Variants in TRNP1 observed in about 807,000 individuals in gnomAD.
TRNP1 encodes TMF-regulated nuclear protein 1.
A neutral mutation model predicts 12.2 loss-of-function variants in TRNP1; 16 were observed. The ratio of observed to expected loss-of-function variants is 1.31; its 90% CI spans 0.89 to 1.99. The LOEUF is 1.99. Ranked by LOEUF, TRNP1 falls within the 30% of genes most tolerant of loss-of-function variation. The pLI, the probability that TRNP1 is intolerant of heterozygous loss-of-function variation, is 0.00. For synonymous variants in TRNP1, 139 were observed against 166.2 expected (o/e 0.84, Z 1.26); for missense variants, 338 against 330.4 (o/e 1.02, Z -0.18).
Position 26,993,819 on chromosome 1 carries a change from G to A in TRNP1, c.33G>A (p.Pro11=). ...GCTGCCGCATCAGCGCCTGCGGCCCGGGGGCCCAGGAGGGGACGGCAGAGC... is the reference window on the plus strand; with the variant it reads ...GCTGCCGCATCAGCGCCTGCGGCCCAGGGGCCCAGGAGGGGACGGCAGAGC... MPGCRISACG[P]GAQEGTAEQR... Residue 11 remains proline, a synonymous_variant, in exon 1 of 2, where the codon CCG becomes CCA. Coordinates refer to ENST00000522111, the MANE Select transcript of TRNP1 (RefSeq NM_001013642.3). 1 of 1,326,830 alleles carries A rather than the reference G, an allele frequency of 7.5e-7. No individual in the cohort carries two copies. The highest frequency in any genetic ancestry group is 9.6e-7 in the Non-Finnish European group (1 of 1,042,002). 82.2% of individuals were successfully genotyped at this position (1,326,830 alleles called of 1,614,324 possible).
chr1:26,995,582 C>T (rs947221320), intron 1 of TRNP1, among the ~76,000 whole-genome samples: 18 of 152,206 alleles, frequency 1.2e-4, no homozygotes, highest in African/African-American at 4.3e-4. Flanking sequence ...TAACCCAGGG[C>T]AGAGGTCCTT....
At chr1:26,997,654 A>T (rs898267100) in intron 1 of TRNP1, among the ~76,000 whole-genome samples, 1 of 152,158 alleles carries the variant, frequency 6.6e-6, no homozygotes, top group Non-Finnish European at 1.5e-5. Context: ...CTGTGCATTG[A>T]GGACACTGAC....
chr1:26,994,627 G>T lies in TRNP1; in HGVS notation c.*142+15G>T. On this transcript the variant is annotated intron_variant, in intron 1 of 1. Transcript: ENST00000522111. The surrounding 1 kb of genome is among the most constrained non-coding windows in gnomAD (Gnocchi z 6.9). ...AGGAGGCTGAGGTGCGGTCTTAGCG[G>T]CTGGTGCGTTCGAGGGTCGGTCATG... is the stretch of plus-strand genomic sequence containing the variant. 2 of 468,624 alleles carry T rather than the reference G, an allele frequency of 4.3e-6. No individual in the cohort carries two copies. Among genetic ancestry groups the T allele is most frequent in the Non-Finnish European group, 5.9e-6 (2 of 341,316 alleles). 29.0% of individuals were successfully genotyped at this position (468,624 alleles called of 1,614,324 possible). A position where few individuals can be genotyped will look rare whatever the true frequency, so the allele number is the denominator to read the frequency against.
chr1:26,994,044 C>T lies in TRNP1; in HGVS notation c.258C>T (p.Pro86=). ...GASGIAGLAG[P]GGGSGAAAGA... is the part of the protein sequence containing the mutation. Reference sequence around the variant, plus strand: ...GCGGGATCGCGGGGCTCGCCGGCCCCGGAGGGGGCTCTGGCGCGGCTGCGG... The same window carrying T: ...GCGGGATCGCGGGGCTCGCCGGCCCTGGAGGGGGCTCTGGCGCGGCTGCGG... The change falls in exon 1 of 2, where the codon CCC becomes CCT. Residue 86 remains proline (P), a synonymous_variant. Coordinates refer to ENST00000522111, the MANE Select transcript of TRNP1 (RefSeq NM_001013642.3). The surrounding 1 kb of genome is among the most constrained non-coding windows in gnomAD (Gnocchi z 6.9). 1.6e-6 allele frequency: 2 copies of T among 1,232,306 alleles called. No homozygotes were observed. Among genetic ancestry groups the T allele is most frequent in the East Asian group, 3.2e-5 (1 of 31,036 alleles). 76.3% of individuals were successfully genotyped at this position (1,232,306 alleles called of 1,614,324 possible).
intron 1 of TRNP1, among the ~76,000 whole-genome samples, chr1:26,995,046 G>T (rs2082538940): frequency 6.6e-6 from 1 of 152,236 alleles, no homozygotes; most frequent in African/African-American, 2.4e-5. Flanking sequence ...CTGGCACAGG[G>T]CTGTACCACT....
chr1:26,995,065 CCT>C (rs1365475166), intron 1 of TRNP1, among the ~76,000 whole-genome samples: 1 of 152,216 alleles, frequency 6.6e-6, no homozygotes, highest in Non-Finnish European at 1.5e-5. Context: ...CTGAATTCCC[CCT>C]CTAGGCCTGT....
chr1:26,998,617 C>T (rs895129645), intron 1 of TRNP1, among the ~76,000 whole-genome samples: 1 of 152,116 alleles, frequency 6.6e-6, no homozygotes, highest in Admixed American at 6.5e-5. Flanking sequence ...AGATCCCCAA[C>T]CTACTTCTTC....
Position 26,994,450 on chromosome 1 carries a change from C to A in TRNP1, c.664C>A (p.Pro222Thr). Residue 222 changes from proline to threonine, a missense_variant, in exon 1 of 2, where the codon CCC becomes ACC. Coordinates refer to ENST00000522111, the MANE Select transcript of TRNP1 (RefSeq NM_001013642.3). This position sits in a 1 kb window ranked among gnomAD's most constrained non-coding sequence, Gnocchi z 6.9. ...SPFRRSPPRG[P>T]ASPQR ...CTTCCGCCGCAGCCCGCCCCGCGGC[C>A]CCGCCTCCCCGCAGCGCTGACCTCC... is the stretch of plus-strand genomic sequence containing the variant. The A allele has an allele frequency of 8.5e-7, 1 of 1,177,366 alleles. No homozygotes were observed. Among genetic ancestry groups the A allele is most frequent in the South Asian group, 4.2e-5 (1 of 23,878 alleles). The allele number at this position is 1,177,366 out of a possible 1,614,324, so 72.9% of individuals were successfully genotyped here.
chr1:26,998,528 G>A (rs1314924333), intron 1 of TRNP1, among the ~76,000 whole-genome samples: 1 of 152,168 alleles, frequency 6.6e-6, no homozygotes, highest in Non-Finnish European at 1.5e-5. Context: ...AACAACTCGG[G>A]TGCTTAGGCT....
At position 27,000,761 on chromosome 1, in the gene TRNP1, T is replaced by A. The variant is rs977659419; in HGVS notation, c.*1057T>A. The A allele has an allele frequency of 2.0e-5, 3 of 152,162 alleles. No individual in the cohort carries two copies. The highest frequency in any genetic ancestry group is 4.4e-5 in the Non-Finnish European group (3 of 68,052). The allele number at this position is 152,162 out of a possible 1,614,324, so 9.4% of individuals were successfully genotyped here. On this transcript the variant is annotated 3_prime_UTR_variant, in exon 2 of 2. Transcript: ENST00000522111. ...GTTCCTGGAGCAGCTTGTATTTAGT[T>A]TCGTTTGGCAGTCTGGCCCTGTTGA... is the stretch of plus-strand genomic sequence containing the variant.
intron 1 of TRNP1, among the ~76,000 whole-genome samples, chr1:26,997,788 G>A (rs760129171): frequency 6.6e-6 from 1 of 152,178 alleles, no homozygotes; most frequent in Non-Finnish European, 1.5e-5. Context: ...CCCCTCAACT[G>A]GATAACCATG....
In TRNP1 at chr1:27,000,240, T is replaced by G. The variant is rs1381220271; in HGVS notation, c.*536T>G. 1 of 152,228 alleles carries G rather than the reference T, an allele frequency of 6.6e-6. No individual in the cohort carries two copies. The highest frequency in any genetic ancestry group is 1.5e-5 in the Non-Finnish European group (1 of 68,042). 9.4% of individuals were successfully genotyped at this position (152,228 alleles called of 1,614,324 possible). A position where few individuals can be genotyped will look rare whatever the true frequency, so the allele number is the denominator to read the frequency against. ...CGTCATCATTCTTAAACAACATTCTTAACCCCCAGCTGGGGTCCCCATTTT... is the reference window on the plus strand; with the variant it reads ...CGTCATCATTCTTAAACAACATTCTGAACCCCCAGCTGGGGTCCCCATTTT... On this transcript the variant is annotated 3_prime_UTR_variant, in exon 2 of 2. Transcript: ENST00000522111.
chr1:26,998,504 G>A (rs2082556517), intron 1 of TRNP1, among the ~76,000 whole-genome samples: 1 of 152,164 alleles, frequency 6.6e-6, no homozygotes, highest in Admixed American at 6.5e-5. Flanking sequence ...TCCCCTGTTG[G>A]TGGGTTCTTC....
chr1:26,996,688 C>T (rs773005623), intron 1 of TRNP1, among the ~76,000 whole-genome samples: 7 of 151,948 alleles, frequency 4.6e-5, no homozygotes, highest in African/African-American at 9.7e-5. Flanking sequence ...GTAAAGTGCT[C>T]GGTGCCATCA....
At position 26,994,617 on chromosome 1, in the gene TRNP1, G is replaced by C. The variant is rs1488321214; in HGVS notation, c.*142+5G>C. On this transcript the variant is annotated splice_donor_5th_base_variant and intron_variant, in intron 1 of 1. Coordinates refer to ENST00000522111, the MANE Select transcript of TRNP1 (RefSeq NM_001013642.3). The surrounding 1 kb of genome is among the most constrained non-coding windows in gnomAD (Gnocchi z 6.9). ...GGCCCAGTAGAGGAGGCTGAGGTGC[G>C]GTCTTAGCGGCTGGTGCGTTCGAGG... 1.9e-6 allele frequency: 1 copy of C among 536,352 alleles called. No individual in the cohort carries two copies. The highest frequency in any genetic ancestry group is 2.1e-5 in the African/African-American group (1 of 48,718). The allele number at this position is 536,352 out of a possible 1,614,324, so 33.2% of individuals were successfully genotyped here.
In TRNP1 at chr1:26,999,804, GTGGGAAAGAGGCCATTAAAGCTCT is replaced by G. The variant is rs2082563607; in HGVS notation, c.*143-39_*143-16del. 1 of 152,334 alleles carries G rather than the reference GTGGGAAAGAGGCCATTAAAGCTCT, an allele frequency of 6.6e-6. No individual in the cohort carries two copies. The highest frequency in any genetic ancestry group is 1.5e-5 in the Non-Finnish European group (1 of 68,140). 9.4% of individuals were successfully genotyped at this position (152,334 alleles called of 1,614,324 possible). ...AGGGCTTGGGTGGGGCTGGGTGGCT[GTGGGAAAGAGGCCATTAAAGCTCT>G]TGGAATTATTCTTTCCAGCTCCTTC... On this transcript the variant is annotated intron_variant, in intron 1 of 1. Transcript: ENST00000522111.
intron 1 of TRNP1, among the ~76,000 whole-genome samples, chr1:26,996,781 G>A (rs1487297737): frequency 6.8e-6 from 1 of 148,050 alleles, no homozygotes; most frequent in Admixed American, 6.6e-5. Flanking sequence ...AATTAGAGAC[G>A]ACACTGGCTA....
intron 1 of TRNP1, among the ~76,000 whole-genome samples, chr1:26,997,348 C>T (rs369575018): frequency 2.6e-5 from 4 of 151,674 alleles, no homozygotes; most frequent in South Asian, 2.1e-4. Flanking sequence ...AAAGCTCACC[C>T]GTCTGCCTCC....
At position 26,993,893 on chromosome 1, in the gene TRNP1, C is replaced by T; in HGVS notation, c.107C>T (p.Pro36Leu). The change falls in exon 1 of 2, where the codon CCG (proline) becomes CTG (leucine). Residue 36 changes from proline (P) to leucine (L), a missense_variant. Physicochemically the swap from Pro to Leu is moderately conservative, Grantham distance 98. Coordinates refer to ENST00000522111, the MANE Select transcript of TRNP1 (RefSeq NM_001013642.3). The stretch of plus-strand genomic sequence containing the variant: ...GATCCCATGCCGTCCTCTCAGCCCC[C>T]GCCCCCAACTCCGACCTTGACTCCT... ...PWDPMPSSQP[P>L]PPTPTLTPTP... 7.3e-7 allele frequency: 1 copy of T among 1,374,434 alleles called. No individual in the cohort carries two copies. Among genetic ancestry groups the T allele is most frequent in the Non-Finnish European group, 9.3e-7 (1 of 1,070,572 alleles). The allele number at this position is 1,374,434 out of a possible 1,614,324, so 85.1% of individuals were successfully genotyped here.
Sources: allele counts gnomAD v4.1 joint callset (sites outside exome capture counted in the v4.1 genomes callset), GRCh38; gene constraint gnomAD v4.1.1; non-coding constraint Gnocchi (gnomAD v3.1); transcripts MANE v1.5; gene names NCBI Gene and HGNC (gene_info 2026-07-23, HGNC 2026-07-21).